Variants in TMEM151B observed in about 807,000 individuals in gnomAD.
TMEM151B encodes the protein transmembrane protein 151B.
TMEM151B carries 18 observed loss-of-function variants against 33.0 expected under a neutral mutation model. The observed-to-expected ratio is 0.55, with a 90% CI of 0.38 to 0.81. The LOEUF is 0.81. Among genes scored for constraint, TMEM151B ranks in the 30% least tolerant of loss-of-function variants. The pLI is 0.00. For synonymous variants in TMEM151B, 354 were observed against 373.6 expected (o/e 0.95, Z 0.61); for missense variants, 672 against 843.4 (o/e 0.80, Z 2.52).
chr6:44,274,792 C>A (rs1351538848), intron 2 of TMEM151B, among the ~76,000 whole-genome samples: 1 of 152,158 alleles, frequency 6.6e-6, no homozygotes, highest in African/African-American at 2.4e-5. Flanking sequence ...ATGGCCAGGG[C>A]CTGACCCCTA....
Position 44,275,877 on chromosome 6 carries a change from A to G in TMEM151B, c.1051A>G (p.Ser351Gly). Residue 351 changes from serine (S) to glycine (G), a missense_variant, in exon 3 of 3, where the codon AGC becomes GGC. Ser to Gly is a moderately conservative substitution (Grantham distance 56). Transcript: ENST00000451188. ...ASSAGGGLSP[S>G]DELLPPLTHR... ...CAGCGCAGGCGGTGGCCTCAGCCCC[A>G]GCGATGAGCTGCTGCCCCCGCTCAC... The G allele has an allele frequency of 6.5e-7, 1 of 1,539,120 alleles. No individual in the cohort carries two copies. The highest frequency in any genetic ancestry group is 2.5e-5 in the East Asian group (1 of 40,722).
chr6:44,276,508 G>A lies in TMEM151B; in HGVS notation c.1682G>A (p.Cys561Tyr). ...SHRPLHRHGSCVETSL is the reference protein window; with the variant it reads ...SHRPLHRHGSYVETSL ...CGGCCGCTGCACCGCCACGGCTCCT[G>A]CGTAGAGACCTCACTGTGACCTCCG... Residue 561 changes from cysteine (C) to tyrosine (Y), a missense_variant, in exon 3 of 3, where the codon TGC becomes TAC. By Grantham distance (194) the Cys-to-Tyr change is radical. Transcript: ENST00000451188. The A allele has an allele frequency of 1.4e-6, 2 of 1,400,586 alleles. No homozygotes were observed. The highest frequency in any genetic ancestry group is 3.0e-5 in the South Asian group (2 of 66,766). 86.8% of individuals were successfully genotyped at this position (1,400,586 alleles called of 1,614,324 possible). A position where few individuals can be genotyped will look rare whatever the true frequency, so the allele number is the denominator to read the frequency against.
At chr6:44,271,829 C>G (rs1187908880) in intron 1 of TMEM151B, among the ~76,000 whole-genome samples, 2 of 151,652 alleles carry the variant, frequency 1.3e-5, no homozygotes, top group African/African-American at 2.4e-5. Context: ...TGGCTGGCCT[C>G]TAGGTCAGGC....
chr6:44,275,733 T>G lies in TMEM151B; in HGVS notation c.907T>G (p.Trp303Gly). Reference sequence around the variant, plus strand: ...CTGGTACGCCTGCTCGTCGGCCTTCTGGGCCGCGGCGCTGCTCACGCTGTC... The same window carrying G: ...CTGGTACGCCTGCTCGTCGGCCTTCGGGGCCGCGGCGCTGCTCACGCTGTC... ...PPWYACSSAF[W>G]AAALLTLSWP... Residue 303 changes from tryptophan (W) to glycine (G), a missense_variant, in exon 3 of 3, where the codon TGG (tryptophan) becomes GGG (glycine). Physicochemically the swap from Trp to Gly is radical, Grantham distance 184. Around this residue, in one of 3 missense-constraint regions of TMEM151B, gnomAD observed 285 missense variants for 423.1 expected, o/e 0.67. Coordinates refer to ENST00000451188, the MANE Select transcript of TMEM151B (RefSeq NM_001137560.2). 1 of 1,548,114 alleles carries G rather than the reference T, an allele frequency of 6.5e-7. No individual in the cohort carries two copies. Among genetic ancestry groups the G allele is most frequent in the Non-Finnish European group, 8.7e-7 (1 of 1,145,840 alleles).
chr6:44,274,450 G>C (rs1413535631), intron 2 of TMEM151B, among the ~76,000 whole-genome samples: 2 of 152,198 alleles, frequency 1.3e-5, no homozygotes, highest in Non-Finnish European at 2.9e-5. Context: ...AGGGTGGGCA[G>C]GTCAATCAGC....
chr6:44,272,698 T>C (rs1451729020), intron 1 of TMEM151B, among the ~76,000 whole-genome samples: 1 of 152,148 alleles, frequency 6.6e-6, no homozygotes, highest in East Asian at 1.9e-4. Flanking sequence ...TCTGTTTCAT[T>C]GCCATTTTTG....
chr6:44,275,949 T>A lies in TMEM151B; in HGVS notation c.1123T>A (p.Trp375Arg). Residue 375 changes from tryptophan (W) to arginine (R), a missense_variant, in exon 3 of 3, where the codon TGG becomes AGG. Coordinates refer to ENST00000451188, the MANE Select transcript of TMEM151B (RefSeq NM_001137560.2). ...VNTVDSTELEWHIRSNQQLVP... is the reference protein window; with the variant it reads ...VNTVDSTELERHIRSNQQLVP... Reference sequence around the variant, plus strand: ...CACAGTAGACAGCACGGAGCTCGAGTGGCACATCCGCTCCAACCAGCAGCT... The same window carrying A: ...CACAGTAGACAGCACGGAGCTCGAGAGGCACATCCGCTCCAACCAGCAGCT... 1 of 1,482,438 alleles carries A rather than the reference T, an allele frequency of 6.7e-7. No homozygotes were observed. Among genetic ancestry groups the A allele is most frequent in the Non-Finnish European group, 9.0e-7 (1 of 1,111,320 alleles). The allele number at this position is 1,482,438 out of a possible 1,614,324, so 91.8% of individuals were successfully genotyped here.
rs1310349631 is a variant in TMEM151B at position 44,275,702 on chromosome 6, G to A, written c.876G>A (p.Arg292=). Residue 292 remains arginine (R), a synonymous_variant, in exon 3 of 3, where the codon CGG becomes CGA. Transcript: ENST00000451188. ...TGGTGGCCTTCCCGGACCCGGCCCG[G>A]CCGCCCTGGTACGCCTGCTCGTCGG... ...EFMVAFPDPA[R]PPWYACSSAF... is the part of the protein sequence containing the mutation. The A allele has an allele frequency of 6.4e-7, 1 of 1,550,530 alleles. No individual in the cohort carries two copies. Among genetic ancestry groups the A allele is most frequent in the Non-Finnish European group, 8.7e-7 (1 of 1,146,676 alleles).
At chr6:44,271,940 C>G (rs545970) in intron 1 of TMEM151B, among the ~76,000 whole-genome samples, 110,066 of 150,908 alleles carry the variant, frequency 0.73, 40,460 homozygotes, top group Admixed American at 0.8. Context: ...CTAGACAGCA[C>G]AGAGGAGGGG....
chr6:44,270,629 G>T lies in TMEM151B; in HGVS notation c.-114G>T. The T allele has an allele frequency of 4.5e-6, 1 of 222,790 alleles. No homozygotes were observed. Among genetic ancestry groups the T allele is most frequent in the South Asian group, 1.8e-4 (1 of 5,698 alleles). 13.8% of individuals were successfully genotyped at this position (222,790 alleles called of 1,614,324 possible). A position where few individuals can be genotyped will look rare whatever the true frequency, so the allele number is the denominator to read the frequency against. The stretch of plus-strand genomic sequence containing the variant: ...GGGCCCCCTCCCCCGGCGGGGGGTG[G>T]GGAGCAGCGAGGGCCCCGCCCCCTC... On this transcript the variant is annotated 5_prime_UTR_variant, in exon 1 of 3. Coordinates refer to ENST00000451188, the MANE Select transcript of TMEM151B (RefSeq NM_001137560.2).
In TMEM151B at chr6:44,276,464, G is replaced by A; in HGVS notation, c.1638G>A (p.Gly546=). ...TCCTCATCGTCCACCGGCAGGAGGG[G>A]TGTCTGGGCCACAGCCACCGGCCGC... ...FPVLIVHRQE[G]CLGHSHRPLH... is the part of the protein sequence containing the mutation. The change falls in exon 3 of 3, where the codon GGG becomes GGA. Residue 546 remains glycine, a synonymous_variant. Transcript: ENST00000451188. The A allele has an allele frequency of 1.3e-6, 2 of 1,481,624 alleles. No homozygotes were observed. The highest frequency in any genetic ancestry group is 1.8e-6 in the Non-Finnish European group (2 of 1,117,002). 91.8% of individuals were successfully genotyped at this position (1,481,624 alleles called of 1,614,324 possible). A position where few individuals can be genotyped will look rare whatever the true frequency, so the allele number is the denominator to read the frequency against.
Position 44,277,352 on chromosome 6 carries a change from CCT to C in TMEM151B, c.*827_*828del, listed in dbSNP as rs1342303358. 1 of 152,358 alleles carries C rather than the reference CCT, an allele frequency of 6.6e-6. No homozygotes were observed. Among genetic ancestry groups the C allele is most frequent in the Non-Finnish European group, 1.5e-5 (1 of 68,134 alleles). The allele number at this position is 152,358 out of a possible 1,614,324, so 9.4% of individuals were successfully genotyped here. ...CTCCTCAGCCTCCCAACAGGGGCCT[CCT>C]CACCTGGGTTCTGAGTGTATACCCC... On this transcript the variant is annotated 3_prime_UTR_variant, in exon 3 of 3. Coordinates refer to ENST00000451188, the MANE Select transcript of TMEM151B (RefSeq NM_001137560.2).
chr6:44,275,797 A>G lies in TMEM151B; in HGVS notation c.971A>G (p.Tyr324Cys). The change falls in exon 3 of 3, where the codon TAC becomes TGC. Residue 324 changes from tyrosine (Y) to cysteine (C), a missense_variant. Coordinates refer to ENST00000451188, the MANE Select transcript of TMEM151B (RefSeq NM_001137560.2). ...GTGCTGGCCGAGTACCGCACGGCCT[A>G]CGCGCACTACCACGTGGAGAAGCTA... ...LRVLAEYRTAYAHYHVEKLFG... is the reference protein window; with the variant it reads ...LRVLAEYRTACAHYHVEKLFG... The G allele has an allele frequency of 6.5e-7, 1 of 1,543,484 alleles. No homozygotes were observed. Among genetic ancestry groups the G allele is most frequent in the Non-Finnish European group, 8.7e-7 (1 of 1,145,636 alleles).
In TMEM151B at chr6:44,270,814, C is replaced by A. The variant is rs956540714; in HGVS notation, c.72C>A (p.Val24=). The A allele has an allele frequency of 5.3e-6, 6 of 1,130,554 alleles. No individual in the cohort carries two copies. The Admixed American group carries it at 3.0e-4, about 56-fold the overall frequency. 70.0% of individuals were successfully genotyped at this position (1,130,554 alleles called of 1,614,324 possible). ...GCGGCGGCGGTGGCGGCCCCGGGGTCTCGGAGGAGCTCACGGCGGCGGCGG... is the reference window on the plus strand; with the variant it reads ...GCGGCGGCGGTGGCGGCCCCGGGGTATCGGAGGAGCTCACGGCGGCGGCGG... ...GGGGGGGGPG[V]SEELTAAAAA... Residue 24 remains valine, a synonymous_variant, in exon 1 of 3, where the codon GTC becomes GTA. Coordinates refer to ENST00000451188, the MANE Select transcript of TMEM151B (RefSeq NM_001137560.2).
intron 1 of TMEM151B, among the ~76,000 whole-genome samples, chr6:44,271,880 T>TTGTGTGTGTGTG (rs58355560): frequency 6.8e-5 from 10 of 148,138 alleles, no homozygotes; most frequent in African/African-American, 2.5e-4. Context: ...CAGCAGGAGG[T>TTGTGTGTGTGTG]TGTGTGTGTG....
rs1222099678 is a variant in TMEM151B at position 44,278,775 on chromosome 6, A to C, written c.*2248A>C. On this transcript the variant is annotated 3_prime_UTR_variant, in exon 3 of 3. Coordinates refer to ENST00000451188, the MANE Select transcript of TMEM151B (RefSeq NM_001137560.2). ...GGTAGCTTTACTGATTGCCAGGGAA[A>C]ATGAAAACCAGAAAATTAATTAATC... is the stretch of plus-strand genomic sequence containing the variant. 2 of 152,200 alleles carry C rather than the reference A, an allele frequency of 1.3e-5. No individual in the cohort carries two copies. Among genetic ancestry groups the C allele is most frequent in the African/African-American group, 2.4e-5 (1 of 41,440 alleles). The allele number at this position is 152,200 out of a possible 1,614,324, so 9.4% of individuals were successfully genotyped here.
chr6:44,273,180 GT>G lies in TMEM151B; in HGVS notation c.251del (p.Val84AlafsTer4). On this transcript the variant is annotated frameshift_variant, in exon 2 of 3. Coordinates refer to ENST00000451188, the MANE Select transcript of TMEM151B (RefSeq NM_001137560.2). LOFTEE classifies it high-confidence loss of function. ...CCTGGGGGCAGTGGCCTGGTGCCAC[GT>G]CACCACAGTGACGCGCCTCACCTTC... ...GCLGAVAWCH[V>X]TTVTRLTFSS... 1 of 1,547,818 alleles carries G rather than the reference GT, an allele frequency of 6.5e-7. No homozygotes were observed. Among genetic ancestry groups the G allele is most frequent in the Non-Finnish European group, 8.7e-7 (1 of 1,144,078 alleles).
Position 44,276,733 on chromosome 6 carries a change from G to A in TMEM151B, c.*206G>A, listed in dbSNP as rs1744722282. Reference sequence around the variant, plus strand: ...AGAGACCGATGGGTGGGAGGGGGTCGGCTGCTCCCCGAGATCCCCCTGGCA... The same window carrying A: ...AGAGACCGATGGGTGGGAGGGGGTCAGCTGCTCCCCGAGATCCCCCTGGCA... On this transcript the variant is annotated 3_prime_UTR_variant, in exon 3 of 3. Transcript: ENST00000451188. 3.6e-6 allele frequency: 4 copies of A among 1,102,384 alleles called. No homozygotes were observed. The highest frequency in any genetic ancestry group is 3.4e-6 in the Non-Finnish European group (3 of 870,718). The allele number at this position is 1,102,384 out of a possible 1,614,324, so 68.3% of individuals were successfully genotyped here. A position where few individuals can be genotyped will look rare whatever the true frequency, so the allele number is the denominator to read the frequency against.
At chr6:44,272,328 C>T (rs1782396597) in intron 1 of TMEM151B, among the ~76,000 whole-genome samples, 1 of 152,168 alleles carries the variant, frequency 6.6e-6, no homozygotes, top group South Asian at 2.1e-4. Flanking sequence ...CCCCAGCCCC[C>T]TCCCTCCCAT....
Sources: gnomAD v4.1 joint callset for allele counts (sites outside exome capture counted in the v4.1 genomes callset) on GRCh38, gnomAD v4.1.1 for gene constraint, gnomAD v4.1.1 regional missense constraint, MANE v1.5 for transcripts, NCBI Gene and HGNC (gene_info 2026-07-23, HGNC 2026-07-21) for gene names.